The following COTL1 variants were observed in gnomAD, a reference collection of about 807,000 sequenced individuals.
The protein encoded by COTL1 is coactosin-like protein.
Under a neutral mutation model 16.5 loss-of-function variants are expected in COTL1, and 15 were observed. That is an observed-to-expected ratio of 0.91 (90% CI 0.61 to 1.40). The LOEUF (loss-of-function observed/expected upper bound fraction) is 1.40. COTL1 is among the 40% of genes most tolerant of loss of function. The pLI is 0.00. For missense variants in COTL1, 220 were observed against 201.5 expected (o/e 1.09, Z -0.56); for synonymous variants, 112 against 85.3 (o/e 1.31, Z -1.73).
Position 84,566,686 on chromosome 16 carries a change from C to T in COTL1, c.*159G>A, listed in dbSNP as rs113170129. ...GGACACGGCAGGGTTCTAAGGGAAG[C>T]GGGAAGGTGGGGGCTGTGGACACAG... On this transcript the variant is annotated 3_prime_UTR_variant, in exon 4 of 4. Coordinates refer to ENST00000262428, the MANE Select transcript of COTL1 (RefSeq NM_021149.5). 1.0e-5 allele frequency: 6 copies of T among 588,442 alleles called. No individual in the cohort carries two copies. Among genetic ancestry groups the T allele is most frequent in the African/African-American group, 1.9e-5 (1 of 53,484 alleles). The allele number at this position is 588,442 out of a possible 1,614,324, so 36.5% of individuals were successfully genotyped here.
chr16:84,585,352 C>G (rs889723696), intron 3 of COTL1, among the ~76,000 whole-genome samples: 1 of 94,538 alleles, frequency 1.1e-5, no homozygotes, highest in African/African-American at 5.0e-5. Context: ...GAGATTGTCT[C>G]CAAAAAAAAA....
intron 1 of COTL1, 118 bp downstream of exon 1, chr16:84,617,720 T>A (rs1567542949): frequency 7.3e-7 from 1 of 1,375,884 alleles, no homozygotes; most frequent in Non-Finnish European, 1.0e-6. Context: ...CGTCCCGGAA[T>A]AAGGCGAGGA....
At chr16:84,591,609 G>C (rs1426559826) in intron 2 of COTL1, among the ~76,000 whole-genome samples, 2 of 129,388 alleles carry the variant, frequency 1.5e-5, no homozygotes, top group East Asian at 2.3e-4. Flanking sequence ...AGACCAACCT[G>C]GGCAACATGG....
At position 84,572,154 on chromosome 16, in the gene COTL1, G is replaced by A. The variant is rs540387236; in HGVS notation, c.319-5199C>T. 1.2e-4 allele frequency among the ~76,000 whole-genome samples: 19 copies of A among 152,362 alleles called. No homozygotes were observed. The South Asian group carries it at 2.3e-3, about 18-fold the overall frequency. The stretch of plus-strand genomic sequence containing the variant: ...GGGCTTCATTGCATGTTTTCAAAAC[G>A]AGGCAGAAGCTGAGCAAAACAGCTC... On this transcript the variant is annotated intron_variant, in intron 3 of 3. Coordinates refer to ENST00000262428, the MANE Select transcript of COTL1 (RefSeq NM_021149.5).
At chr16:84,575,338 CA>C (rs1420354112) in intron 3 of COTL1, 8 of 151,306 alleles carry the variant, frequency 5.3e-5, no homozygotes, top group African/African-American at 1.9e-4. Context: ...ACGCCCAGCC[CA>C]TCCTTTTCAT....
intron 3 of COTL1, among the ~76,000 whole-genome samples, chr16:84,587,200 C>T (rs1904753704): frequency 1.3e-5 from 2 of 152,182 alleles, no homozygotes; most frequent in South Asian, 4.1e-4. Flanking sequence ...AAAACAAGGG[C>T]TCCCAGGCCA....
rs1202141721 is a variant in COTL1 at position 84,590,026 on chromosome 16, C to T, written c.318+79G>A. 4.8e-6 allele frequency: 7 copies of T among 1,468,782 alleles called. No individual in the cohort carries two copies. Among genetic ancestry groups the T allele is most frequent in the East Asian group, 2.3e-5 (1 of 43,318 alleles). 91.0% of individuals were successfully genotyped at this position (1,468,782 alleles called of 1,614,324 possible). A position where few individuals can be genotyped will look rare whatever the true frequency, so the allele number is the denominator to read the frequency against. Reference sequence around the variant, plus strand: ...ACAGCTAAGCTACAGACCCAGGAGTCGAACCCAGCCCTCTCCCTCCTTGCA... The same window carrying T: ...ACAGCTAAGCTACAGACCCAGGAGTTGAACCCAGCCCTCTCCCTCCTTGCA... On this transcript the variant is annotated intron_variant, in intron 3 of 3. Coordinates refer to ENST00000262428, the MANE Select transcript of COTL1 (RefSeq NM_021149.5). The surrounding 1 kb of genome is among the most constrained non-coding windows in gnomAD (Gnocchi z 5.5).
chr16:84,613,904 G>A (rs1052927396), intron 2 of COTL1, among the ~76,000 whole-genome samples: 3 of 151,996 alleles, frequency 2.0e-5, no homozygotes, highest in African/African-American at 7.3e-5. Context: ...TCTAGGGATG[G>A]GCACATGACC....
At chr16:84,570,998 G>A in intron 3 of COTL1, among the ~76,000 whole-genome samples, 1 of 149,150 alleles carries the variant, frequency 6.7e-6, no homozygotes, top group Admixed American at 6.7e-5. Context: ...GACCAAGAAA[G>A]ACAAAACTTT....
chr16:84,571,082 G>C (rs563374066), intron 3 of COTL1, among the ~76,000 whole-genome samples: 1 of 152,032 alleles, frequency 6.6e-6, no homozygotes, highest in Admixed American at 6.6e-5. Flanking sequence ...TTCTCTGTTC[G>C]GAAGAATCCT....
intron 2 of COTL1, among the ~76,000 whole-genome samples, chr16:84,611,029 T>C (rs1414711684): frequency 6.6e-6 from 1 of 152,246 alleles, no homozygotes; most frequent in Non-Finnish European, 1.5e-5. Flanking sequence ...GGCAGTACTC[T>C]ACAAGCATTA....
At chr16:84,597,645 A>G (rs946594052) in intron 2 of COTL1, among the ~76,000 whole-genome samples, 7 of 152,196 alleles carry the variant, frequency 4.6e-5, no homozygotes, top group African/African-American at 1.2e-4. Context: ...AGAAGAGGAA[A>G]TGGTGAGAAC....
intron 1 of COTL1, 52 bp downstream of exon 1, chr16:84,617,786 G>T: frequency 1.3e-6 from 2 of 1,509,696 alleles, no homozygotes; most frequent in East Asian, 2.5e-5. Context: ...GGTGCACGAG[G>T]CCCCGCGCGA....
At chr16:84,579,271 T>C (rs2017140) in intron 3 of COTL1, among the ~76,000 whole-genome samples, 19,953 of 152,246 alleles carry the variant, frequency 0.13, 2,964 homozygotes, top group African/African-American at 0.36. Flanking sequence ...CCCAGGCAGG[T>C]GGATCACCTG....
chr16:84,588,029 C>A (rs1904775734), intron 3 of COTL1, among the ~76,000 whole-genome samples: 2 of 152,004 alleles, frequency 1.3e-5, no homozygotes, highest in Admixed American at 1.3e-4. Flanking sequence ...GCCTTGGCCT[C>A]CCAAAGTGCT....
At chr16:84,585,372 C>T (rs1202575179) in intron 3 of COTL1, among the ~76,000 whole-genome samples, 2 of 140,470 alleles carry the variant, frequency 1.4e-5, no homozygotes, top group Non-Finnish European at 3.1e-5. Context: ...AAAAAAAAAT[C>T]GCCCCCCTGG....
intron 2 of COTL1, among the ~76,000 whole-genome samples, chr16:84,597,739 G>T (rs902916381): frequency 6.6e-6 from 1 of 152,172 alleles, no homozygotes; most frequent in Non-Finnish European, 1.5e-5. Context: ...CGCCCTCCTT[G>T]CTGCCTGTCT....
chr16:84,617,036 T>C (rs760923281), intron 2 of COTL1, among the ~76,000 whole-genome samples: 56 of 152,142 alleles, frequency 3.7e-4, no homozygotes, highest in Admixed American at 5.9e-4. Context: ...ACTCGTCAAA[T>C]TAAAAATCAC....
At chr16:84,605,529 C>G (rs1412621812) in intron 2 of COTL1, among the ~76,000 whole-genome samples, 1 of 152,194 alleles carries the variant, frequency 6.6e-6, no homozygotes, top group Non-Finnish European at 1.5e-5. Context: ...CCTGGGTTAT[C>G]TGGGTGACAC....
Sources: allele counts gnomAD v4.1 joint callset (sites outside exome capture counted in the v4.1 genomes callset), GRCh38; gene constraint gnomAD v4.1.1; non-coding constraint Gnocchi (gnomAD v3.1); transcripts MANE v1.5; gene names NCBI Gene and HGNC (gene_info 2026-07-23, HGNC 2026-07-21).